ZNF93: variants seen among roughly 807,000 people sequenced by gnomAD.
ZNF93 encodes zinc finger protein 505.
Under a neutral mutation model 45.0 loss-of-function variants are expected in ZNF93, and 29 were observed. That is an observed-to-expected ratio of 0.64 (90% CI 0.48 to 0.88). The LOEUF is 0.88. Among genes scored for constraint, ZNF93 ranks in the 40% least tolerant of loss-of-function variants. The probability of loss-of-function intolerance (pLI) is 0.00; values close to 1 mark genes in which losing one functional copy is unlikely to be tolerated. For synonymous variants in ZNF93, 223 were observed against 244.6 expected (o/e 0.91, Z 0.82); for missense variants, 578 against 724.0 (o/e 0.80, Z 2.31).
chr19:19,916,024 G>A (rs1447771093), intron 2 of ZNF93, among the ~76,000 whole-genome samples: 1 of 151,180 alleles, frequency 6.6e-6, no homozygotes, highest in South Asian at 2.1e-4. Context: ...GTGGTACCAG[G>A]TAGTAAAATT....
intron 3 of ZNF93, among the ~76,000 whole-genome samples, chr19:19,920,623 C>T (rs1396032203): frequency 6.6e-6 from 1 of 152,074 alleles, no homozygotes; most frequent in East Asian, 1.9e-4. Flanking sequence ...AATTTCAGAG[C>T]CTGTTATTGG....
intron 1 of ZNF93, among the ~76,000 whole-genome samples, chr19:19,903,056 G>A (rs1482872724): frequency 6.6e-6 from 1 of 152,152 alleles, no homozygotes; most frequent in Admixed American, 6.5e-5. Context: ...GGATCTTACT[G>A]ACGATGAAGT....
intron 1 of ZNF93, among the ~76,000 whole-genome samples, chr19:19,913,491 G>A (rs1195015425): frequency 2.0e-5 from 3 of 152,284 alleles, no homozygotes; most frequent in Middle Eastern, 3.4e-3. Context: ...GGTGGTCACA[G>A]GGCCTATTCT....
chr19:19,917,412 C>G (rs1568509530), intron 3 of ZNF93, among the ~76,000 whole-genome samples: 1 of 146,524 alleles, frequency 6.8e-6, no homozygotes, highest in Non-Finnish European at 1.5e-5. Context: ...TTTTTTATCT[C>G]TTAGTTAATT....
chr19:19,934,697 C>T lies in ZNF93; in HGVS notation c.1742C>T (p.Ser581Phe). Residue 581 changes from serine (S) to phenylalanine (F), a missense_variant, in exon 4 of 4, where the codon TCT (serine) becomes TTT (phenylalanine). Around this residue, in one of 3 missense-constraint regions of ZNF93, gnomAD observed 119 missense variants for 123.1 expected, o/e 0.97. Coordinates refer to ENST00000343769, the MANE Select transcript of ZNF93 (RefSeq NM_031218.4). ...GKAFNHSATLSSHKKIHSGEK... is the reference protein window; with the variant it reads ...GKAFNHSATLFSHKKIHSGEK... ...GCTTTTAACCATTCTGCAACCCTTT[C>T]TTCACATAAGAAAATCCATTCTGGA... The T allele has an allele frequency of 6.2e-7, 1 of 1,613,282 alleles. No individual in the cohort carries two copies. The highest frequency in any genetic ancestry group is 8.5e-7 in the Non-Finnish European group (1 of 1,179,762).
At chr19:19,915,647 C>G (rs2063321588) in intron 2 of ZNF93, among the ~76,000 whole-genome samples, 1 of 152,054 alleles carries the variant, frequency 6.6e-6, no homozygotes, top group African/African-American at 2.4e-5. Flanking sequence ...TCGAGACCAG[C>G]CTGGCCAACA....
chr19:19,902,700 A>C (rs112505311), intron 1 of ZNF93, among the ~76,000 whole-genome samples: 20 of 150,900 alleles, frequency 1.3e-4, no homozygotes, highest in Non-Finnish European at 2.7e-4. Context: ...CCACAAGCAG[A>C]TGCAGTTAAG....
chr19:19,927,825 T>C (rs1305108744), intron 3 of ZNF93, among the ~76,000 whole-genome samples: 1 of 152,236 alleles, frequency 6.6e-6, no homozygotes, highest in African/African-American at 2.4e-5. Context: ...CTCAGCTCTC[T>C]GCAACCTCTG....
chr19:19,930,369 G>A (rs556725250), intron 3 of ZNF93, among the ~76,000 whole-genome samples: 105 of 152,312 alleles, frequency 6.9e-4, no homozygotes, highest in African/African-American at 2.4e-3. Context: ...CAGCATCACA[G>A]GGAGACGGTT....
chr19:19,903,291 A>G (rs916088981), intron 1 of ZNF93, among the ~76,000 whole-genome samples: 4 of 152,160 alleles, frequency 2.6e-5, no homozygotes, highest in African/African-American at 9.7e-5. Context: ...TGAAAAAGTC[A>G]GATTTTACAT....
Position 19,934,792 on chromosome 19 carries a change from A to C in ZNF93, c.1837A>C (p.Ile613Leu), listed in dbSNP as rs529680326. ...ACCCTCAAGCCTTAGTAGACATGAGATAATTCATACTGGGGAGAAACCCTA... is the reference window on the plus strand; with the variant it reads ...ACCCTCAAGCCTTAGTAGACATGAGCTAATTCATACTGGGGAGAAACCCTA... ...ISPSSLSRHE[I>L]IHTGEKP is the part of the protein sequence containing the mutation. Residue 613 changes from isoleucine (I) to leucine (L), a missense_variant, in exon 4 of 4, where the codon ATA (isoleucine) becomes CTA (leucine). Coordinates refer to ENST00000343769, the MANE Select transcript of ZNF93 (RefSeq NM_031218.4). 1.9e-6 allele frequency: 3 copies of C among 1,599,026 alleles called. No homozygotes were observed. Among genetic ancestry groups the C allele is most frequent in the Non-Finnish European group, 2.6e-6 (3 of 1,173,792 alleles).
At chr19:19,904,104 C>A (rs1303510279) in intron 1 of ZNF93, among the ~76,000 whole-genome samples, 2 of 139,044 alleles carry the variant, frequency 1.4e-5, no homozygotes, top group African/African-American at 5.7e-5. Context: ...CCACCGAAGA[C>A]AAATACAGCT....
At chr19:19,912,614 TATAAAC>T (rs2063312383) in intron 1 of ZNF93, among the ~76,000 whole-genome samples, 1 of 151,038 alleles carries the variant, frequency 6.6e-6, no homozygotes. Context: ...AAAAAGTAAA[TATAAAC>T]AGAATGAAAT....
intron 3 of ZNF93, chr19:19,931,878 G>A (rs2063375440): frequency 8.6e-6 from 2 of 231,536 alleles, no homozygotes; most frequent in South Asian, 8.6e-5. Flanking sequence ...AAAAACTGGA[G>A]ATTACATACA....
chr19:19,903,372 G>C lies in ZNF93; in HGVS notation c.3+2281G>C, dbSNP rs1204307424. On this transcript the variant is annotated intron_variant, in intron 1 of 3. Transcript: ENST00000343769. ...TAAAGTGGGGCTGTATGTTGACTCA[G>C]AGTGAGGGTAGCTCAAAGTTCAGGA... is the stretch of plus-strand genomic sequence containing the variant. Among the ~76,000 whole-genome samples the C allele has an allele frequency of 7.2e-5, 11 of 152,330 alleles. No homozygotes were observed. In the East Asian group the frequency reaches 2.1e-3, roughly 29 times the overall value.
intron 1 of ZNF93, among the ~76,000 whole-genome samples, chr19:19,905,938 C>T (rs2063291745): frequency 6.6e-6 from 1 of 152,146 alleles, no homozygotes; most frequent in Non-Finnish European, 1.5e-5. Context: ...GCATTTATGG[C>T]CTGTCCATGT....
At chr19:19,903,568 C>G (rs1236854091) in intron 1 of ZNF93, among the ~76,000 whole-genome samples, 4 of 151,958 alleles carry the variant, frequency 2.6e-5, no homozygotes, top group Admixed American at 2.0e-4. Context: ...GAGATCGAGA[C>G]CATCCTGGCC....
At chr19:19,922,419 G>C (rs1183305930) in intron 3 of ZNF93, among the ~76,000 whole-genome samples, 2 of 152,018 alleles carry the variant, frequency 1.3e-5, no homozygotes, top group African/African-American at 4.8e-5. Flanking sequence ...ATGTGTCTTG[G>C]AGTTGCTCTT....
At chr19:19,918,203 T>C (rs2063330656) in intron 3 of ZNF93, among the ~76,000 whole-genome samples, 1 of 152,102 alleles carries the variant, frequency 6.6e-6, no homozygotes, top group Non-Finnish European at 1.5e-5. Flanking sequence ...ATGCGGTGTT[T>C]GGTTTTTTGT....
Sources: gnomAD v4.1 joint callset for allele counts (sites outside exome capture counted in the v4.1 genomes callset) on GRCh38, gnomAD v4.1.1 for gene constraint, gnomAD v4.1.1 regional missense constraint, MANE v1.5 for transcripts, NCBI Gene and HGNC (gene_info 2026-07-23, HGNC 2026-07-21) for gene names.